PIK3C2G: variants seen among roughly 807,000 people sequenced by gnomAD.
PIK3C2G encodes the protein phosphatidylinositol-4-phosphate 3-kinase catalytic subunit type 2 gamma.
A neutral mutation model predicts 181.1 loss-of-function variants in PIK3C2G; 168 were observed. The observed-to-expected ratio is 0.93, with a 90% CI of 0.82 to 1.05. The LOEUF is 1.05. PIK3C2G is among the 50% of genes least tolerant of loss of function. The pLI, the probability that PIK3C2G is intolerant of heterozygous loss-of-function variation, is 0.00. For synonymous variants in PIK3C2G, 573 were observed against 592.2 expected, an observed-to-expected ratio of 0.97 and a Z score of 0.47; for missense variants, 1,869 against 1,732.8, an observed-to-expected ratio of 1.08 and a Z score of -1.40.
intron 24 of PIK3C2G, among the ~76,000 whole-genome samples, chr12:18,511,041 A>G (rs909820609): frequency 6.6e-6 from 1 of 151,622 alleles, no homozygotes; most frequent in Non-Finnish European, 1.5e-5. Context: ...ACTCCTACAA[A>G]TTAAACTTTA....
At chr12:18,692,003 G>A in the PIK3C2G span, among the ~76,000 whole-genome samples, 2 of 152,152 alleles carry the variant, frequency 1.3e-5, no homozygotes, top group African/African-American at 4.8e-5. Flanking sequence ...TAGACGTGGA[G>A]TGTAGCTTCC....
the PIK3C2G span, among the ~76,000 whole-genome samples, chr12:18,708,978 GTTGA>G: frequency 6.6e-6 from 1 of 152,048 alleles, no homozygotes; most frequent in Non-Finnish European, 1.5e-5. Flanking sequence ...GATTTTGTTG[GTTGA>G]TTGTTTCCTT....
chr12:18,670,753 T>C, the PIK3C2G span, among the ~76,000 whole-genome samples: 5 of 152,220 alleles, frequency 3.3e-5, no homozygotes, highest in South Asian at 1.0e-3. Context: ...CATCCTGAAC[T>C]ATTTTAGGTG....
chr12:18,336,343 C>T lies in PIK3C2G; in HGVS notation c.1273-2083C>T, dbSNP rs200867255. Among the ~76,000 whole-genome samples the T allele has an allele frequency of 6.6e-5, 10 of 152,262 alleles. No homozygotes were observed. In the East Asian group the frequency reaches 1.9e-3, roughly 29 times the overall value. On this transcript the variant is annotated intron_variant, in intron 8 of 32. Transcript: ENST00000538779. Reference sequence around the variant, plus strand: ...CAGGGTGTAAACAAACAGATCTTGACTTCAGAGCTGACAATATTGTCTATG... The same window carrying T: ...CAGGGTGTAAACAAACAGATCTTGATTTCAGAGCTGACAATATTGTCTATG...
chr12:18,497,090 T>A (rs2136087756), intron 21 of PIK3C2G, among the ~76,000 whole-genome samples: 1 of 152,320 alleles, frequency 6.6e-6, no homozygotes, highest in South Asian at 2.1e-4. Flanking sequence ...AATCATTTTC[T>A]CTGAAAACCT....
intron 16 of PIK3C2G, among the ~76,000 whole-genome samples, chr12:18,410,264 C>A (rs1035414337): frequency 1.3e-5 from 2 of 151,996 alleles, no homozygotes; most frequent in Non-Finnish European, 2.9e-5. Flanking sequence ...CTTTGGGAGG[C>A]CGAGGTGAGG....
intron 26 of PIK3C2G, among the ~76,000 whole-genome samples, chr12:18,561,754 A>T (rs1945356229): frequency 6.6e-6 from 1 of 152,052 alleles, no homozygotes; most frequent in Non-Finnish European, 1.5e-5. Flanking sequence ...AATACAAAAA[A>T]AAACCTTTAA....
intron 31 of PIK3C2G, among the ~76,000 whole-genome samples, chr12:18,630,707 T>C (rs573445829): frequency 5.4e-5 from 1 of 18,410 alleles, no homozygotes; most frequent in South Asian, 5.2e-3. Context: ...ACAGCAAATC[T>C]AGACTATATA....
intron 16 of PIK3C2G, among the ~76,000 whole-genome samples, chr12:18,402,836 G>A (rs989639698): frequency 6.6e-6 from 1 of 152,000 alleles, no homozygotes; most frequent in African/African-American, 2.4e-5. Context: ...AATGTTTTAT[G>A]TGTCCAGATA....
chr12:18,473,210 T>C (rs1938618137), intron 18 of PIK3C2G, among the ~76,000 whole-genome samples: 1 of 152,176 alleles, frequency 6.6e-6, no homozygotes. Flanking sequence ...TTAAAGAAAC[T>C]TCTAAACTAG....
intron 31 of PIK3C2G, among the ~76,000 whole-genome samples, chr12:18,616,937 TA>T (rs1297940155): frequency 3.9e-5 from 6 of 152,176 alleles, no homozygotes; most frequent in Non-Finnish European, 7.4e-5. Context: ...ATCCAGTAGT[TA>T]AAATACTTTT....
intron 13 of PIK3C2G, among the ~76,000 whole-genome samples, chr12:18,377,043 G>T (rs1283486930): frequency 1.3e-5 from 2 of 152,202 alleles, no homozygotes; most frequent in Admixed American, 6.5e-5. Flanking sequence ...GCTCAGCCTT[G>T]CCTGGGCTCT....
chr12:18,393,839 A>C (rs2138071459), intron 15 of PIK3C2G, among the ~76,000 whole-genome samples: 2 of 152,264 alleles, frequency 1.3e-5, no homozygotes, highest in Non-Finnish European at 2.9e-5. Flanking sequence ...AGAATATAAG[A>C]AGAGAATGCA....
the PIK3C2G span, among the ~76,000 whole-genome samples, chr12:18,656,597 A>G: frequency 6.6e-6 from 1 of 152,090 alleles, no homozygotes; most frequent in Non-Finnish European, 1.5e-5. Context: ...ATAGCCAGGC[A>G]TGGTTACATG....
intron 8 of PIK3C2G, among the ~76,000 whole-genome samples, chr12:18,334,506 A>G (rs181332474): frequency 2.0e-5 from 3 of 152,264 alleles, no homozygotes; most frequent in East Asian, 3.9e-4. Context: ...GATGTCTATT[A>G]AGCTGTAGTC....
At chr12:18,432,422 T>C (rs1486713916) in intron 18 of PIK3C2G, among the ~76,000 whole-genome samples, 1 of 152,170 alleles carries the variant, frequency 6.6e-6, no homozygotes, top group Non-Finnish European at 1.5e-5. Flanking sequence ...TGTCCAGCAA[T>C]TTTTCATTAT....
the PIK3C2G span, chr12:18,699,952 TA>T: frequency 6.2e-7 from 1 of 1,606,912 alleles, no homozygotes; most frequent in African/African-American, 1.3e-5. Context: ...CTTCCTGGTC[TA>T]AAAATAAAAT....
intron 28 of PIK3C2G, among the ~76,000 whole-genome samples, chr12:18,565,455 G>T (rs1056796461): frequency 2.0e-5 from 3 of 152,042 alleles, no homozygotes; most frequent in African/African-American, 4.8e-5. Flanking sequence ...CACTGATCAG[G>T]CTATAGAAAC....
At chr12:18,685,867 CACAT>C in the PIK3C2G span, among the ~76,000 whole-genome samples, 1,497 of 144,530 alleles carry the variant, frequency 0.01, 22 homozygotes, top group African/African-American at 0.031. Context: ...CACACACACA[CACAT>C]ACAATAATAT....
Sources: allele counts gnomAD v4.1 joint callset (sites outside exome capture counted in the v4.1 genomes callset), GRCh38; gene constraint gnomAD v4.1.1; transcripts MANE v1.5; gene names NCBI Gene and HGNC (gene_info 2026-07-23, HGNC 2026-07-21).